NAV3: variants seen among roughly 807,000 people sequenced by gnomAD.
NAV3 encodes the protein neuron navigator 3.
In NAV3, 87 loss-of-function variants were observed where a neutral mutation model predicts 244.7. The observed-to-expected ratio is 0.36, with a 90% CI of 0.30 to 0.42. The LOEUF (loss-of-function observed/expected upper bound fraction) is 0.42, where lower values mean the gene tolerates loss of function less well. Ranked by LOEUF, NAV3 falls within the 20% of genes least tolerant of loss-of-function variation. The probability of loss-of-function intolerance (pLI) is 1.00; values close to 1 mark genes in which losing one functional copy is unlikely to be tolerated. For synonymous variants in NAV3, 1,126 were observed against 1,042.2 expected (o/e 1.08, Z -1.55); for missense variants, 2,663 against 2,893.3 (o/e 0.92, Z 1.83).
intron 2 of NAV3, among the ~76,000 whole-genome samples, chr12:77,722,943 A>G (rs918280702): frequency 6.6e-6 from 1 of 152,068 alleles, no homozygotes; most frequent in Non-Finnish European, 1.5e-5. Flanking sequence ...AGTTAGGCTC[A>G]GGTGAATGTT....
At chr12:77,917,611 A>G (rs1036505520) in intron 1 of NAV3, among the ~76,000 whole-genome samples, 12 of 151,950 alleles carry the variant, frequency 7.9e-5, no homozygotes, top group Non-Finnish European at 1.8e-4. Context: ...CCCTCCTTGC[A>G]TTCACCGACC....
Position 77,902,463 on chromosome 12 carries a change from C to T in NAV3, c.244-37856C>T, listed in dbSNP as rs556440562. On this transcript the variant is annotated intron_variant, in intron 1 of 39. Coordinates refer to ENST00000397909, the MANE Select transcript of NAV3 (RefSeq NM_001024383.2). ...TGAATTTTGTCAAAGGCCTTTTCTG[C>T]ATCTATTGAGACAATCATGCGGTTT... 4.0e-4 allele frequency among the ~76,000 whole-genome samples: 61 copies of T among 152,284 alleles called. 1 individual carries two copies. Among genetic ancestry groups the T allele is most frequent in the African/African-American group, 1.4e-3 (60 of 41,542 alleles).
intron 2 of NAV3, among the ~76,000 whole-genome samples, chr12:77,624,558 T>C (rs1002797668): frequency 2.0e-5 from 3 of 151,688 alleles, no homozygotes; most frequent in African/African-American, 7.3e-5. Context: ...CTATGAATGA[T>C]GAGGTTGGAC....
chr12:77,614,676 G>A (rs906676413), intron 2 of NAV3, among the ~76,000 whole-genome samples: 6 of 152,096 alleles, frequency 3.9e-5, no homozygotes, highest in African/African-American at 7.2e-5. Context: ...GGCCCTTCTG[G>A]CTGTGTGACC....
At chr12:78,199,257 A>C in intron 36 of NAV3, 78 bp from the exon 37 acceptor site, 1 of 1,092,338 alleles carries the variant, frequency 9.2e-7, no homozygotes, top group Admixed American at 2.3e-5. Context: ...ATGAATAAAT[A>C]AATAATAATG....
intron 2 of NAV3, among the ~76,000 whole-genome samples, chr12:77,758,805 G>C (rs1276430017): frequency 1.3e-5 from 2 of 152,162 alleles, no homozygotes; most frequent in Non-Finnish European, 2.9e-5. Context: ...AAACTTTGAA[G>C]TAAGAGCAAT....
At chr12:77,686,645 A>C (rs557527963) in intron 2 of NAV3, among the ~76,000 whole-genome samples, 2 of 152,056 alleles carry the variant, frequency 1.3e-5, no homozygotes, top group African/African-American at 4.8e-5. Context: ...ATTTCATTTC[A>C]TTATTATGCC....
chr12:78,097,828 A>C (rs189536720), intron 12 of NAV3, among the ~76,000 whole-genome samples: 9 of 152,226 alleles, frequency 5.9e-5, no homozygotes, highest in South Asian at 2.1e-4. Context: ...TTTTATTTTT[A>C]CATAACGTTT....
At chr12:77,929,480 T>A (rs560167016) in intron 1 of NAV3, among the ~76,000 whole-genome samples, 1 of 152,120 alleles carries the variant, frequency 6.6e-6, no homozygotes, top group African/African-American at 2.4e-5. Context: ...AAATTTGAAT[T>A]TATCCACCTT....
intron 23 of NAV3, among the ~76,000 whole-genome samples, chr12:78,166,894 A>G (rs1438769033): frequency 6.6e-6 from 1 of 151,806 alleles, no homozygotes; most frequent in East Asian, 1.9e-4. Flanking sequence ...ATGTTTTAAC[A>G]GATTTTAATC....
At chr12:78,139,872 A>T (rs1327430248) in intron 19 of NAV3, among the ~76,000 whole-genome samples, 1 of 152,218 alleles carries the variant, frequency 6.6e-6, no homozygotes, top group African/African-American at 2.4e-5. Context: ...GGAGAAAAAA[A>T]TCTGAAAGTG....
At chr12:77,623,566 A>G (rs1365862250) in intron 2 of NAV3, among the ~76,000 whole-genome samples, 1 of 152,240 alleles carries the variant, frequency 6.6e-6, no homozygotes, top group East Asian at 1.9e-4. Context: ...AAGAGGCAGC[A>G]TAATTAGAGA....
At chr12:78,039,027 A>G (rs922650939) in intron 9 of NAV3, among the ~76,000 whole-genome samples, 4 of 152,120 alleles carry the variant, frequency 2.6e-5, no homozygotes, top group Non-Finnish European at 5.9e-5. Context: ...GCATCTGCTT[A>G]TTGTATTTAT....
chr12:77,652,764 A>T (rs187797024), intron 2 of NAV3, among the ~76,000 whole-genome samples: 64 of 152,344 alleles, frequency 4.2e-4, no homozygotes, highest in Non-Finnish European at 8.4e-4. Flanking sequence ...AAAATTATAG[A>T]TTGTTCAAGA....
chr12:77,574,177 A>T (rs1002405859), intron 2 of NAV3, among the ~76,000 whole-genome samples: 3 of 152,152 alleles, frequency 2.0e-5, no homozygotes, highest in African/African-American at 7.2e-5. Flanking sequence ...AATGTTTTCA[A>T]TGAGCAGTAT....
intron 3 of NAV3, among the ~76,000 whole-genome samples, chr12:77,946,074 T>A (rs1890310659): frequency 7.0e-6 from 1 of 143,650 alleles, no homozygotes; most frequent in Non-Finnish European, 1.5e-5. Flanking sequence ...TACCTTATAA[T>A]AAAGAAAAAT....
In NAV3 at chr12:78,118,220, C is replaced by G. The variant is rs1022622836; in HGVS notation, c.2963C>G (p.Ser988Cys). Residue 988 changes from serine (S) to cysteine (C), a missense_variant, in exon 14 of 40, where the codon TCC (serine) becomes TGC (cysteine). Around this residue, in one of 6 missense-constraint regions of NAV3, gnomAD observed 1,521 missense variants for 1,497.0 expected, o/e 1.02. Coordinates refer to ENST00000397909, the MANE Select transcript of NAV3 (RefSeq NM_001024383.2). ...KASLSVSQTG[S>C]WRRGMSAQGG... The stretch of plus-strand genomic sequence containing the variant: ...TCCCTGTCTGTTTCACAGACAGGTT[C>G]CTGGAGAAGAGGCATGTCTGCCCAA... The G allele has an allele frequency of 6.2e-7, 1 of 1,613,416 alleles. No homozygotes were observed. Among genetic ancestry groups the G allele is most frequent in the African/African-American group, 1.3e-5 (1 of 74,792 alleles).
chr12:77,660,534 T>C (rs2137034743), intron 2 of NAV3, among the ~76,000 whole-genome samples: 1 of 152,276 alleles, frequency 6.6e-6, no homozygotes, highest in Admixed American at 6.5e-5. Context: ...AATAGTTTTT[T>C]ACAGTTTATA....
chr12:78,154,923 C>T (rs1957240930), intron 22 of NAV3, among the ~76,000 whole-genome samples: 2 of 151,950 alleles, frequency 1.3e-5, no homozygotes, highest in South Asian at 4.1e-4. Context: ...TCCATTTACC[C>T]TATTGAGTGA....
Sources: allele counts gnomAD v4.1 joint callset (sites outside exome capture counted in the v4.1 genomes callset), GRCh38; gene constraint gnomAD v4.1.1; regional missense constraint gnomAD v4.1.1; transcripts MANE v1.5; gene names NCBI Gene and HGNC (gene_info 2026-07-23, HGNC 2026-07-21).